The following MYO3A variants were observed in gnomAD, a reference collection of about 807,000 sequenced individuals.
MYO3A encodes the protein myosin IIIA, also known as myosin-IIIa.
In MYO3A, 180 loss-of-function variants were observed where a neutral mutation model predicts 192.7. The ratio of observed to expected loss-of-function variants is 0.93; its 90% CI spans 0.83 to 1.06. The LOEUF is 1.06. Ranked by LOEUF, MYO3A falls within the 50% of genes least tolerant of loss-of-function variation. MYO3A has a pLI of 0.00. For missense variants in MYO3A, 1,896 were observed against 1,905.0 expected, an observed-to-expected ratio of 1.00 and a Z score of 0.09; for synonymous variants, 628 against 645.3, an observed-to-expected ratio of 0.97 and a Z score of 0.41.
At chr10:26,179,725 GA>G (rs1200207581) in intron 31 of MYO3A, among the ~76,000 whole-genome samples, 1 of 151,992 alleles carries the variant, frequency 6.6e-6, no homozygotes, top group Non-Finnish European at 1.5e-5. Context: ...ATTTGTTTGA[GA>G]AAAAAAGAAA....
rs74126389 is a variant in MYO3A, at chr10:26,071,645, A to G, written c.1359+1244A>G. Reference sequence around the variant, plus strand: ...GACACACAACTAGTAAAGGACTTGTATATGAAAAAAACTCATACAAATCAA... The same window carrying G: ...GACACACAACTAGTAAAGGACTTGTGTATGAAAAAAACTCATACAAATCAA... On this transcript the variant is annotated intron_variant, in intron 14 of 34. Transcript: ENST00000642920. Among the ~76,000 whole-genome samples the G allele has an allele frequency of 6.8e-3, 1,036 of 152,312 alleles. 18 individuals carry two copies. The highest frequency in any genetic ancestry group is 0.024 in the African/African-American group (983 of 41,566).
intron 31 of MYO3A, among the ~76,000 whole-genome samples, chr10:26,188,239 C>T (rs1312177010): frequency 6.6e-6 from 1 of 152,182 alleles, no homozygotes; most frequent in African/African-American, 2.4e-5. Flanking sequence ...TCTCTGATGG[C>T]CAGTGATGAT....
At chr10:25,985,743 A>G (rs1263016619) in intron 4 of MYO3A, among the ~76,000 whole-genome samples, 4 of 152,356 alleles carry the variant, frequency 2.6e-5, no homozygotes, top group Admixed American at 1.3e-4. Flanking sequence ...AGACAGATTC[A>G]CAGCTGAATT....
At position 26,082,270 on chromosome 10, in the gene MYO3A, T is replaced by C. The variant is rs193001003; in HGVS notation, c.1360-5933T>C. ...TCTTCCTCAACTTCTTTCATCACTG[T>C]TTTATAGTTTTCAGTGTACAGATCT... On this transcript the variant is annotated intron_variant, in intron 14 of 34. Transcript: ENST00000642920. Among the ~76,000 whole-genome samples the C allele has an allele frequency of 3.5e-3, 533 of 152,336 alleles. 2 individuals are homozygous for C. The highest frequency in any genetic ancestry group is 4.8e-3 in the Admixed American group (74 of 15,310).
chr10:25,988,457 C>T (rs182949362), intron 4 of MYO3A, among the ~76,000 whole-genome samples: 1 of 152,220 alleles, frequency 6.6e-6, no homozygotes, highest in Admixed American at 6.5e-5. Flanking sequence ...TATGGAACAA[C>T]TAGAACTCTC....
intron 2 of MYO3A, among the ~76,000 whole-genome samples, chr10:25,944,326 G>C (rs56091425): frequency 0.081 from 12,377 of 151,944 alleles, 645 homozygotes; most frequent in African/African-American, 0.14. Context: ...ATTTTTGCAT[G>C]AATCTTCACA....
At chr10:26,173,045 C>T (rs2132031609) in intron 29 of MYO3A, among the ~76,000 whole-genome samples, 2 of 142,656 alleles carry the variant, frequency 1.4e-5, no homozygotes, top group African/African-American at 2.7e-5. Context: ...AAGGGTTTTG[C>T]CTTTGGCTAG....
At chr10:26,092,465 C>CA (rs112109851) in intron 15 of MYO3A, among the ~76,000 whole-genome samples, 8,281 of 147,790 alleles carry the variant, frequency 0.056, 287 homozygotes, top group African/African-American at 0.093. Context: ...GACTCTGTCT[C>CA]AAAAAAAAAA....
intron 26 of MYO3A, among the ~76,000 whole-genome samples, chr10:26,165,315 C>G (rs1037693931): frequency 6.6e-6 from 1 of 152,136 alleles, no homozygotes; most frequent in African/African-American, 2.4e-5. Flanking sequence ...TTGCACTGGA[C>G]TTTCAGGCTA....
chr10:25,966,127 A>T (rs1388980332), intron 4 of MYO3A, among the ~76,000 whole-genome samples: 1 of 151,992 alleles, frequency 6.6e-6, no homozygotes, highest in African/African-American at 2.4e-5. Flanking sequence ...TAATGGGTGG[A>T]ACTTTCTATT....
intron 34 of MYO3A, among the ~76,000 whole-genome samples, chr10:26,204,958 T>C (rs1843843856): frequency 6.6e-6 from 1 of 152,138 alleles, no homozygotes; most frequent in South Asian, 2.1e-4. Flanking sequence ...AGCGAAATAG[T>C]GCTATTGAAA....
chr10:25,940,336 G>A (rs979284167), intron 2 of MYO3A, among the ~76,000 whole-genome samples: 2 of 151,260 alleles, frequency 1.3e-5, no homozygotes, highest in Non-Finnish European at 2.9e-5. Flanking sequence ...GACTATACAT[G>A]GTAATCTGAG....
rs1256746494 is a variant in MYO3A, at chr10:26,088,436, G to T, written c.1562+31G>T. 1.9e-6 allele frequency: 3 copies of T among 1,584,750 alleles called. No homozygotes were observed. In the South Asian group the frequency reaches 3.3e-5, roughly 18 times the overall value. On this transcript the variant is annotated intron_variant, in intron 15 of 34. Transcript: ENST00000642920. ...TTTATTTCAAATCTCTCCTATTTTG[G>T]AGGAAGCAGAAGCAAACATAATACT...
intron 10 of MYO3A, among the ~76,000 whole-genome samples, chr10:26,038,873 G>A (rs966083031): frequency 6.6e-6 from 1 of 151,966 alleles, no homozygotes; most frequent in African/African-American, 2.4e-5. Context: ...AGTTTTTGAG[G>A]GTTTTTGTCA....
At chr10:26,183,453 G>A (rs1016527204) in intron 31 of MYO3A, among the ~76,000 whole-genome samples, 1 of 152,168 alleles carries the variant, frequency 6.6e-6, no homozygotes, top group Non-Finnish European at 1.5e-5. Context: ...AACCCGGGAG[G>A]CGGAGCTTGC....
rs555117450 is a variant in MYO3A, at chr10:26,003,859, ATT to A, written c.508+6604_508+6605del. ...TTAGACCTCATTCTTATGACAGAAT[ATT>A]TTATGGTTTTAAATCTCTTATTACC... On this transcript the variant is annotated intron_variant, in intron 6 of 34. Transcript: ENST00000642920. Among the ~76,000 whole-genome samples the A allele has an allele frequency of 2.8e-4, 42 of 152,260 alleles. No individual in the cohort carries two copies. The East Asian group carries it at 5.4e-3, about 20-fold the overall frequency.
At chr10:25,964,924 C>T (rs558290373) in intron 4 of MYO3A, among the ~76,000 whole-genome samples, 1 of 152,250 alleles carries the variant, frequency 6.6e-6, no homozygotes, top group South Asian at 2.1e-4. Flanking sequence ...ATATGTCATG[C>T]CACTCTCTCC....
chr10:26,070,080 C>A, intron 12 of MYO3A, 31 bp from the exon 13 acceptor site: 1 of 1,480,906 alleles, frequency 6.8e-7, no homozygotes, highest in South Asian at 1.2e-5. Flanking sequence ...AAACAAAAAG[C>A]CCTACAAAAT....
chr10:25,961,887 T>C (rs938831766), intron 4 of MYO3A, among the ~76,000 whole-genome samples: 1 of 152,112 alleles, frequency 6.6e-6, no homozygotes, highest in East Asian at 1.9e-4. Context: ...TTTAAATTAT[T>C]TTGCATGAGG....
Sources: gnomAD v4.1 joint callset for allele counts (sites outside exome capture counted in the v4.1 genomes callset) on GRCh38, gnomAD v4.1.1 for gene constraint, MANE v1.5 for transcripts, NCBI Gene and HGNC (gene_info 2026-07-23, HGNC 2026-07-21) for gene names.